CCDC85A: variants seen among roughly 807,000 people sequenced by gnomAD.
CCDC85A encodes coiled-coil domain-containing protein 85A.
Under a neutral mutation model 50.2 loss-of-function variants are expected in CCDC85A, and 38 were observed. The observed-to-expected ratio is 0.76, with a 90% CI of 0.58 to 0.99. CCDC85A has a LOEUF of 0.99. Among genes scored for constraint, CCDC85A ranks in the 50% least tolerant of loss-of-function variants. CCDC85A has a pLI of 0.00. For missense variants in CCDC85A, 820 were observed against 742.0 expected, an observed-to-expected ratio of 1.11 and a Z score of -1.22; for synonymous variants, 366 against 301.4, an observed-to-expected ratio of 1.21 and a Z score of -2.22.
At chr2:56,317,644 A>C (rs988948842) in intron 2 of CCDC85A, among the ~76,000 whole-genome samples, 1 of 152,132 alleles carries the variant, frequency 6.6e-6, no homozygotes, top group Non-Finnish European at 1.5e-5. Flanking sequence ...TGCTTATTTC[A>C]AAGCTCCCCT....
intron 2 of CCDC85A, among the ~76,000 whole-genome samples, chr2:56,272,600 G>A (rs1381859396): frequency 6.6e-6 from 1 of 152,160 alleles, no homozygotes; most frequent in Non-Finnish European, 1.5e-5. Flanking sequence ...ATCATATATA[G>A]CAGAGAGTAA....
chr2:56,199,201 A>T (rs1676639568), intron 2 of CCDC85A, among the ~76,000 whole-genome samples: 1 of 152,236 alleles, frequency 6.6e-6, no homozygotes, highest in Non-Finnish European at 1.5e-5. Flanking sequence ...CACAAGGGTC[A>T]AATGAATCAG....
At chr2:56,317,723 GT>G (rs1179171402) in intron 2 of CCDC85A, among the ~76,000 whole-genome samples, 1 of 151,978 alleles carries the variant, frequency 6.6e-6, no homozygotes, top group Non-Finnish European at 1.5e-5. Context: ...CTCCATTTTG[GT>G]TTGGAAAAAG....
chr2:56,241,814 T>C (rs960006262), intron 2 of CCDC85A, among the ~76,000 whole-genome samples: 1 of 152,214 alleles, frequency 6.6e-6, no homozygotes, highest in Non-Finnish European at 1.5e-5. Flanking sequence ...CTCTTTGATA[T>C]ACTGATTTCC....
chr2:56,269,472 G>A (rs757883583), intron 2 of CCDC85A, among the ~76,000 whole-genome samples: 9 of 151,992 alleles, frequency 5.9e-5, no homozygotes, highest in Non-Finnish European at 1.2e-4. Context: ...ACATTGCTAG[G>A]GCTCCTCCTA....
chr2:56,201,458 C>A (rs1056223771), intron 2 of CCDC85A, among the ~76,000 whole-genome samples: 1 of 151,980 alleles, frequency 6.6e-6, no homozygotes, highest in Non-Finnish European at 1.5e-5. Context: ...CAGAATTTTG[C>A]CTTCTGGTCT....
chr2:56,236,922 C>A (rs1669044047), intron 2 of CCDC85A, among the ~76,000 whole-genome samples: 1 of 152,266 alleles, frequency 6.6e-6, no homozygotes, highest in Non-Finnish European at 1.5e-5. Flanking sequence ...CAAGGTAGGG[C>A]CCCTTCCCTG....
rs551218770 is a variant in CCDC85A, at chr2:56,196,994, C to A, written c.1240+3554C>A. ...GTAACATTGTGCTCTCCTTAAACATCACTCCAGCCAATGAGAGCAAGCATG... is the reference window on the plus strand; with the variant it reads ...GTAACATTGTGCTCTCCTTAAACATAACTCCAGCCAATGAGAGCAAGCATG... On this transcript the variant is annotated intron_variant, in intron 2 of 5. Coordinates refer to ENST00000407595, the MANE Select transcript of CCDC85A (RefSeq NM_001080433.2). Among the ~76,000 whole-genome samples the A allele has an allele frequency of 3.3e-5, 5 of 152,112 alleles. No homozygotes were observed. In the South Asian group the frequency reaches 1.0e-3, roughly 32 times the overall value.
intron 1 of CCDC85A, among the ~76,000 whole-genome samples, chr2:56,185,452 T>C (rs963712774): frequency 2.0e-5 from 3 of 152,140 alleles, no homozygotes; most frequent in Non-Finnish European, 2.9e-5. Flanking sequence ...GAGTTCAAGC[T>C]CTGCCTTCAC....
At chr2:56,211,221 G>A (rs1033090445) in intron 2 of CCDC85A, among the ~76,000 whole-genome samples, 2 of 152,060 alleles carry the variant, frequency 1.3e-5, no homozygotes. Flanking sequence ...AGGCAGCATG[G>A]ACTTACAGTG....
intron 2 of CCDC85A, among the ~76,000 whole-genome samples, chr2:56,219,594 T>C (rs1668232694): frequency 6.6e-6 from 1 of 151,806 alleles, no homozygotes. Context: ...TAGAATGCCC[T>C]CCTTCCCACT....
At chr2:56,222,930 G>T (rs562873529) in intron 2 of CCDC85A, among the ~76,000 whole-genome samples, 1 of 152,204 alleles carries the variant, frequency 6.6e-6, no homozygotes, top group Non-Finnish European at 1.5e-5. Flanking sequence ...CAGCTGAATT[G>T]CTTCAGATAC....
At chr2:56,211,858 T>A (rs771114784) in intron 2 of CCDC85A, among the ~76,000 whole-genome samples, 6 of 152,074 alleles carry the variant, frequency 3.9e-5, no homozygotes, top group Non-Finnish European at 8.8e-5. Context: ...TCCTCATCTC[T>A]AATATCTCCC....
chr2:56,360,436 A>AT lies in CCDC85A; in HGVS notation c.1318-11898dup, dbSNP rs749616231. Among the ~76,000 whole-genome samples the AT allele has an allele frequency of 2.7e-4, 41 of 150,654 alleles. No individual in the cohort carries two copies. The South Asian group carries it at 3.8e-3, about 14-fold the overall frequency. On this transcript the variant is annotated intron_variant, in intron 3 of 5. Coordinates refer to ENST00000407595, the MANE Select transcript of CCDC85A (RefSeq NM_001080433.2). ...TCTTGAGTTAGCAAAAATGCTTTTC[A>AT]TTTTTTTTTTAAAAAGACATCTCTA...
At chr2:56,333,768 C>T (rs772993967) in intron 2 of CCDC85A, among the ~76,000 whole-genome samples, 15 of 152,038 alleles carry the variant, frequency 9.9e-5, no homozygotes, top group African/African-American at 2.7e-4. Flanking sequence ...AGAGGAACCA[C>T]GCATAATTCT....
At chr2:56,355,925 TC>T (rs1675202665) in intron 3 of CCDC85A, among the ~76,000 whole-genome samples, 1 of 152,178 alleles carries the variant, frequency 6.6e-6, no homozygotes, top group Non-Finnish European at 1.5e-5. Context: ...TGGGAGCCAT[TC>T]TGGACTTACA....
At chr2:56,376,253 G>A (rs1220340932) in intron 5 of CCDC85A, among the ~76,000 whole-genome samples, 1 of 152,132 alleles carries the variant, frequency 6.6e-6, no homozygotes, top group Non-Finnish European at 1.5e-5. Flanking sequence ...TATTTTATGT[G>A]CAATGTTTGT....
chr2:56,238,938 G>T (rs1477520907), intron 2 of CCDC85A, among the ~76,000 whole-genome samples: 1 of 152,108 alleles, frequency 6.6e-6, no homozygotes, highest in African/African-American at 2.4e-5. Flanking sequence ...CTTTAAAATT[G>T]TATGTTATCC....
chr2:56,239,766 A>T (rs1400731470), intron 2 of CCDC85A, among the ~76,000 whole-genome samples: 1 of 152,154 alleles, frequency 6.6e-6, no homozygotes, highest in East Asian at 1.9e-4. Context: ...TATTTTCCAG[A>T]TCCTTCCAGT....
Sources: allele counts gnomAD v4.1 joint callset (sites outside exome capture counted in the v4.1 genomes callset), GRCh38; gene constraint gnomAD v4.1.1; transcripts MANE v1.5; gene names NCBI Gene and HGNC (gene_info 2026-07-23, HGNC 2026-07-21).